BFAR: variants seen among roughly 807,000 people sequenced by gnomAD.
The protein encoded by BFAR is RING finger protein 47.
BFAR carries 52 observed loss-of-function variants against 54.4 expected under a neutral mutation model. The observed-to-expected ratio is 0.96, with a 90% CI of 0.77 to 1.21. The LOEUF (loss-of-function observed/expected upper bound fraction) is 1.21, where lower values mean the gene tolerates loss of function less well. BFAR is among the 50% of genes most tolerant of loss of function. BFAR has a pLI of 0.00. For missense variants in BFAR, 571 were observed against 534.0 expected (o/e 1.07, Z -0.68); for synonymous variants, 215 against 204.3 (o/e 1.05, Z -0.45).
At chr16:14,648,746 A>G (rs564715931) in intron 3 of BFAR, among the ~76,000 whole-genome samples, 154 bp downstream of exon 3, 8 of 151,958 alleles carry the variant, frequency 5.3e-5, no homozygotes, top group Non-Finnish European at 4.4e-5. Flanking sequence ...GGGTTCTATG[A>G]TTTCCTCAGG....
chr16:14,645,582 G>C (rs1220288401), intron 2 of BFAR, among the ~76,000 whole-genome samples: 1 of 152,112 alleles, frequency 6.6e-6, no homozygotes, highest in East Asian at 1.9e-4. Flanking sequence ...TGCCCTTCTT[G>C]ATTTCAACAG....
rs567980835 is a variant in BFAR, at chr16:14,633,996, G to A, written c.-74+978G>A. On this transcript the variant is annotated intron_variant, in intron 1 of 7. Transcript: ENST00000261658. ...AAAAAGCCGGCGGGAGGGGGCGACA[G>A]ATGAGAGTCAGGTTGTGTCTAAACG... 1.0e-3 allele frequency among the ~76,000 whole-genome samples: 154 copies of A among 152,328 alleles called. 1 individual carries two copies. The highest frequency in any genetic ancestry group is 3.4e-3 in the African/African-American group (140 of 41,582).
Position 14,667,758 on chromosome 16 carries a change from C to G in BFAR, c.1284C>G (p.Tyr428Ter), listed in dbSNP as rs1393627939. The G allele has an allele frequency of 1.2e-6, 2 of 1,614,028 alleles. No individual in the cohort carries two copies. The highest frequency in any genetic ancestry group is 1.7e-6 in the Non-Finnish European group (2 of 1,180,036). ...VCNCLFYWAL[Y>*]FNPIINIDLV... ...ACTGTTTGTTTTACTGGGCCCTGTACTTTAACCCAATTATTAACATTGATC... is the reference window on the plus strand; with the variant it reads ...ACTGTTTGTTTTACTGGGCCCTGTAGTTTAACCCAATTATTAACATTGATC... Residue 428 changes from tyrosine (Y) to a stop codon, truncating the protein, a stop_gained, in exon 8 of 8, where the codon TAC becomes TAG. Transcript: ENST00000261658. LOFTEE classifies it high-confidence loss of function.
chr16:14,654,493 C>CTTTTTTTTTT (rs55673619), intron 4 of BFAR, among the ~76,000 whole-genome samples: 1 of 89,140 alleles, frequency 1.1e-5, no homozygotes, highest in Non-Finnish European at 2.1e-5. Context: ...GTGAGTTTTC[C>CTTTTTTTTTT]TTTTTTTTTT....
At chr16:14,638,625 A>G (rs530813271) in intron 1 of BFAR, among the ~76,000 whole-genome samples, 2 of 152,364 alleles carry the variant, frequency 1.3e-5, no homozygotes, top group African/African-American at 4.8e-5. Context: ...CAATCATTAC[A>G]TCACAAGATC....
chr16:14,662,245 C>G (rs1016443473), intron 6 of BFAR, among the ~76,000 whole-genome samples, 180 bp downstream of exon 6: 1 of 152,126 alleles, frequency 6.6e-6, no homozygotes, highest in African/African-American at 2.4e-5. Flanking sequence ...TACTTCTGAC[C>G]TGTTCATATC....
At chr16:14,650,522 C>T (rs751621579) in intron 4 of BFAR, 2 of 152,196 alleles carry the variant, frequency 1.3e-5, no homozygotes, top group African/African-American at 2.4e-5. Flanking sequence ...CCCTGGCAAA[C>T]ACCATTCTAC....
chr16:14,658,974 C>G (rs1374072595), intron 5 of BFAR, among the ~76,000 whole-genome samples: 1 of 151,380 alleles, frequency 6.6e-6, no homozygotes, highest in Non-Finnish European at 1.5e-5. Flanking sequence ...ATGGCGCGAT[C>G]TCAGCTCACT....
At chr16:14,665,191 C>A (rs1164581523) in intron 7 of BFAR, 120 bp downstream of exon 7, 6 of 1,043,268 alleles carry the variant, frequency 5.8e-6, no homozygotes, top group Non-Finnish European at 8.3e-6. Flanking sequence ...ACCCTTCAGA[C>A]TCTGCTTTGA....
At chr16:14,647,258 T>C (rs1450035162) in intron 2 of BFAR, among the ~76,000 whole-genome samples, 1 of 151,852 alleles carries the variant, frequency 6.6e-6, no homozygotes, top group Non-Finnish European at 1.5e-5. Flanking sequence ...TTGATTTTTG[T>C]ATTTTTAGTA....
intron 1 of BFAR, among the ~76,000 whole-genome samples, chr16:14,633,836 A>T (rs1287394249): frequency 1.3e-5 from 2 of 152,074 alleles, no homozygotes; most frequent in African/African-American, 4.8e-5. Flanking sequence ...TATTTTTAGT[A>T]GAGACGGGGT....
intron 1 of BFAR, among the ~76,000 whole-genome samples, chr16:14,641,982 G>A (rs1959643293): frequency 6.6e-6 from 1 of 152,184 alleles, no homozygotes; most frequent in African/African-American, 2.4e-5. Flanking sequence ...CTCCCACTAT[G>A]GTTAAGTGCT....
rs374174657 is a variant in BFAR at position 14,664,323 on chromosome 16, G to A, written c.958-546G>A. Among the ~76,000 whole-genome samples the A allele has an allele frequency of 1.0e-3, 152 of 151,096 alleles. 2 individuals carry two copies. The East Asian group carries it at 0.016, about 16-fold the overall frequency. ...GGAGAATCACTTGAACCCAGGAGGT[G>A]GAGGCTGCAGTGAGCCGAGATGGCA... On this transcript the variant is annotated intron_variant, in intron 6 of 7. Coordinates refer to ENST00000261658, the MANE Select transcript of BFAR (RefSeq NM_016561.3).
In BFAR at chr16:14,662,065, G is replaced by C; in HGVS notation, c.957G>C (p.Leu319=). 1 of 1,614,088 alleles carries C rather than the reference G, an allele frequency of 6.2e-7. No homozygotes were observed. The highest frequency in any genetic ancestry group is 2.2e-5 in the East Asian group (1 of 44,882). The change falls in exon 6 of 8, where the codon CTG becomes CTC. Residue 319 remains leucine (L), a splice_region_variant and synonymous_variant. Transcript: ENST00000261658. ...GGGAGGACATCGTCACCAAGCTTCT[G>C]GTAGGTCTGCACAGTGCCTGGAATA... is the stretch of plus-strand genomic sequence containing the variant. ...SSGEDIVTKL[L]DLKEPTWKQW...
intron 7 of BFAR, among the ~76,000 whole-genome samples, chr16:14,665,447 C>T (rs2151845618): frequency 6.6e-6 from 1 of 152,192 alleles, no homozygotes; most frequent in South Asian, 2.1e-4. Context: ...AGCTGAGGGG[C>T]TGAAGGAAGA....
chr16:14,655,376 C>A (rs574321493), intron 5 of BFAR, among the ~76,000 whole-genome samples, 166 bp downstream of exon 5: 1 of 151,484 alleles, frequency 6.6e-6, no homozygotes, highest in African/African-American at 2.4e-5. Flanking sequence ...GGCTGGAGTG[C>A]AATGGCGCAA....
At chr16:14,645,035 C>T (rs1182815007) in intron 2 of BFAR, among the ~76,000 whole-genome samples, 1 of 152,118 alleles carries the variant, frequency 6.6e-6, no homozygotes, top group East Asian at 1.9e-4. Context: ...CATATAAAGG[C>T]CAGACCAGTG....
At position 14,660,667 on chromosome 16, in the gene BFAR, G is replaced by A. The variant is rs185412703; in HGVS notation, c.784-1225G>A. Among the ~76,000 whole-genome samples the A allele has an allele frequency of 5.9e-3, 843 of 144,084 alleles. 3 individuals carry two copies. Among genetic ancestry groups the A allele is most frequent in the Middle Eastern group, 0.025 (7 of 282 alleles). 94.5% of individuals were successfully genotyped at this position (144,084 alleles called of 152,430 possible). On this transcript the variant is annotated intron_variant, in intron 5 of 7. Transcript: ENST00000261658. ...TGTAATCCCAGCACTTTGGGAGACCGAGGCAGGTGGATCACCTGAGGTCAG... is the reference window on the plus strand; with the variant it reads ...TGTAATCCCAGCACTTTGGGAGACCAAGGCAGGTGGATCACCTGAGGTCAG...
rs1960520297 is a variant in BFAR at position 14,668,962 on chromosome 16, G to A, written c.*1135G>A. On this transcript the variant is annotated 3_prime_UTR_variant, in exon 8 of 8. Transcript: ENST00000261658. The stretch of plus-strand genomic sequence containing the variant: ...CCTATCCTGATGTATAATACAGCAG[G>A]TATAATTACACCAAGCGCTATAGTT... 5 of 401,342 alleles carry A rather than the reference G, an allele frequency of 1.2e-5. No homozygotes were observed. Among genetic ancestry groups the A allele is most frequent in the South Asian group, 9.0e-5 (5 of 55,704 alleles). The allele number at this position is 401,342 out of a possible 1,614,324, so 24.9% of individuals were successfully genotyped here.
Sources: gnomAD v4.1 joint callset for allele counts (sites outside exome capture counted in the v4.1 genomes callset) on GRCh38, gnomAD v4.1.1 for gene constraint, MANE v1.5 for transcripts, NCBI Gene and HGNC (gene_info 2026-07-23, HGNC 2026-07-21) for gene names.